The following ADGRE3 variants were observed in gnomAD, a reference collection of about 807,000 sequenced individuals.
ADGRE3 encodes the protein EGF-like module receptor 3.
Under a neutral mutation model 80.1 loss-of-function variants are expected in ADGRE3, and 88 were observed. That is an observed-to-expected ratio of 1.10 (90% CI 0.93 to 1.31). ADGRE3 has a LOEUF of 1.31. ADGRE3 is among the 40% of genes most tolerant of loss of function. The pLI is 0.00. For missense variants in ADGRE3, 715 were observed against 776.5 expected (o/e 0.92, Z 0.94); for synonymous variants, 281 against 294.8 (o/e 0.95, Z 0.48).
intron 8 of ADGRE3, among the ~76,000 whole-genome samples, chr19:14,645,977 A>G (rs1402763935): frequency 6.6e-6 from 1 of 152,212 alleles, no homozygotes; most frequent in Non-Finnish European, 1.5e-5. Flanking sequence ...TTCTCAAAAA[A>G]GGTAAAGATA....
intron 2 of ADGRE3, among the ~76,000 whole-genome samples, chr19:14,665,550 G>A (rs975958396): frequency 6.6e-6 from 1 of 151,868 alleles, no homozygotes; most frequent in African/African-American, 2.4e-5. Flanking sequence ...GCATGCAGTG[G>A]CAGATCATAG....
At chr19:14,618,289 G>C (rs2075094873), downstream of ADGRE3, among the ~76,000 whole-genome samples, 2 of 151,828 alleles carry the variant, frequency 1.3e-5, no homozygotes, top group Non-Finnish European at 2.9e-5. Flanking sequence ...GCGATGGCTT[G>C]TGTCTGTAAT....
chr19:14,620,551 T>TG (rs1970558224), intron 15 of ADGRE3, among the ~76,000 whole-genome samples: 4 of 23,412 alleles, frequency 1.7e-4, no homozygotes, highest in Non-Finnish European at 2.3e-4. Flanking sequence ...ATATATATTA[T>TG]ATATATATAT....
intron 6 of ADGRE3, among the ~76,000 whole-genome samples, chr19:14,652,321 GA>G (rs757723880): frequency 8.6e-5 from 13 of 151,958 alleles, no homozygotes; most frequent in Non-Finnish European, 1.6e-4. Flanking sequence ...TTAAGCTCAT[GA>G]AAATATGTAT....
intron 9 of ADGRE3, 101 bp from the exon 10 acceptor site, chr19:14,641,717 G>T: frequency 7.0e-7 from 1 of 1,423,232 alleles, no homozygotes; most frequent in Non-Finnish European, 9.7e-7. Flanking sequence ...CAAGCCCAGT[G>T]GTAGTGTGGG....
In ADGRE3 at chr19:14,641,075, T is replaced by C. The variant is rs936471863; in HGVS notation, c.1248+344A>G. Among the ~76,000 whole-genome samples the C allele has an allele frequency of 7.2e-5, 11 of 152,194 alleles. No individual in the cohort carries two copies. The East Asian group carries it at 1.2e-3, about 16-fold the overall frequency. On this transcript the variant is annotated intron_variant, in intron 10 of 15. Transcript: ENST00000253673. ...CAGATATTTGCCTTCCCATAATTTGTGCCCCTAGAGAGCCAAGATCTTTTT... is the reference window on the plus strand; with the variant it reads ...CAGATATTTGCCTTCCCATAATTTGCGCCCCTAGAGAGCCAAGATCTTTTT...
At chr19:14,623,462 G>A (rs949967518) in intron 15 of ADGRE3, among the ~76,000 whole-genome samples, 1 of 152,160 alleles carries the variant, frequency 6.6e-6, no homozygotes, top group African/African-American at 2.4e-5. Flanking sequence ...GTCACATAGT[G>A]CAGAAAGCTC....
chr19:14,645,427 G>T (rs1001973852), intron 8 of ADGRE3, among the ~76,000 whole-genome samples: 1 of 152,130 alleles, frequency 6.6e-6, no homozygotes, highest in Admixed American at 6.6e-5. Flanking sequence ...GGGAAGCCAA[G>T]GCGGGTGGAT....
chr19:14,637,696 C>T (rs776728927), intron 11 of ADGRE3, among the ~76,000 whole-genome samples: 9 of 151,518 alleles, frequency 5.9e-5, no homozygotes, highest in Non-Finnish European at 1.2e-4. Flanking sequence ...CCACTGTGCT[C>T]AGCTAATTTT....
At chr19:14,617,346 C>CTTTCTTTCTTTCTTTCTT (rs1568469477), downstream of ADGRE3, among the ~76,000 whole-genome samples, 1 of 72,668 alleles carries the variant, frequency 1.4e-5, no homozygotes, top group Non-Finnish European at 2.7e-5. Flanking sequence ...CCCTCCCTTT[C>CTTTCTTTCTTTCTTTCTT]TTTCTTTCTT....
chr19:14,625,552 T>G lies in ADGRE3; in HGVS notation c.1860A>C (p.Lys620Asn). 6.2e-7 allele frequency: 1 copy of G among 1,614,028 alleles called. No individual in the cohort carries two copies. Among genetic ancestry groups the G allele is most frequent in the Non-Finnish European group, 8.5e-7 (1 of 1,179,888 alleles). The change falls in exon 15 of 16, where the codon AAA becomes AAC. Residue 620 changes from lysine to asparagine, a missense_variant. Lys to Asn is a moderately conservative substitution (Grantham distance 94, BLOSUM62 0). Transcript: ENST00000253673. ...QKWFREIVKS[K>N]SESETYTLSS... is the part of the protein sequence containing the mutation. ...AAAGTGTGTATGTCTCAGACTCAGA[T>G]TTTGATTTTACGATCTCTCTAAACC... is the stretch of plus-strand genomic sequence containing the variant.
chr19:14,674,726 A>G lies in ADGRE3; in HGVS notation c.25+20T>C. The G allele has an allele frequency of 6.2e-7, 1 of 1,612,534 alleles. No homozygotes were observed. The highest frequency in any genetic ancestry group is 8.5e-7 in the Non-Finnish European group (1 of 1,179,326). ...CTGGGGGATAGGTTAAGCCTCAGTCATTGTTACAGTCACACATACCTGGAA... is the reference window on the plus strand; with the variant it reads ...CTGGGGGATAGGTTAAGCCTCAGTCGTTGTTACAGTCACACATACCTGGAA... On this transcript the variant is annotated intron_variant, in intron 1 of 15. Transcript: ENST00000253673.
chr19:14,609,045 C>A, the ADGRE3 span, among the ~76,000 whole-genome samples: 1 of 152,042 alleles, frequency 6.6e-6, no homozygotes, highest in Non-Finnish European at 1.5e-5. Flanking sequence ...GGTGATCTAC[C>A]CGTCTTGGCC....
At chr19:14,666,077 T>C (rs1972099801) in intron 2 of ADGRE3, among the ~76,000 whole-genome samples, 1 of 149,088 alleles carries the variant, frequency 6.7e-6, no homozygotes, top group Non-Finnish European at 1.5e-5. Flanking sequence ...TGTGCAAGTA[T>C]GTTTTTTGTA....
At chr19:14,629,690 A>G (rs1214483859) in intron 14 of ADGRE3, among the ~76,000 whole-genome samples, 1 of 152,190 alleles carries the variant, frequency 6.6e-6, no homozygotes, top group Non-Finnish European at 1.5e-5. Flanking sequence ...GTGAACCCCA[A>G]TAGACCTGTA....
At chr19:14,666,288 T>A (rs1326085681) in intron 2 of ADGRE3, among the ~76,000 whole-genome samples, 1 of 151,884 alleles carries the variant, frequency 6.6e-6, no homozygotes, top group Non-Finnish European at 1.5e-5. Flanking sequence ...TGGCCATTCT[T>A]GCAGGAGTAA....
At chr19:14,667,947 C>T (rs1257230364) in intron 2 of ADGRE3, among the ~76,000 whole-genome samples, 2 of 152,156 alleles carry the variant, frequency 1.3e-5, no homozygotes, top group African/African-American at 4.8e-5. Flanking sequence ...AACTGAAACT[C>T]TGTACCCACT....
intron 7 of ADGRE3, among the ~76,000 whole-genome samples, chr19:14,650,386 C>T (rs959974692): frequency 6.7e-5 from 10 of 150,244 alleles, no homozygotes; most frequent in Admixed American, 4.6e-4. Flanking sequence ...ATCTCTCTCC[C>T]CTTCTCTCTC....
intron 11 of ADGRE3, among the ~76,000 whole-genome samples, chr19:14,633,623 T>A (rs1970946645): frequency 6.6e-6 from 1 of 150,980 alleles, no homozygotes; most frequent in Non-Finnish European, 1.5e-5. Flanking sequence ...GAGAATGGCG[T>A]GAACTCGGTA....
Sources: allele counts gnomAD v4.1 joint callset (sites outside exome capture counted in the v4.1 genomes callset), GRCh38; gene constraint gnomAD v4.1.1; transcripts MANE v1.5; gene names NCBI Gene and HGNC (gene_info 2026-07-23, HGNC 2026-07-21).